The following GABRR2 variants were observed in gnomAD, a reference collection of about 807,000 sequenced individuals.
The protein encoded by GABRR2 is gamma-aminobutyric acid type A receptor subunit rho2.
A neutral mutation model predicts 47.0 loss-of-function variants in GABRR2; 36 were observed. The ratio of observed to expected loss-of-function variants is 0.77; its 90% confidence interval spans 0.59 to 1.01. The LOEUF (loss-of-function observed/expected upper bound fraction) is 1.01, where lower values mean the gene tolerates loss of function less well. Ranked by LOEUF, GABRR2 falls within the 50% of genes least tolerant of loss-of-function variation. The pLI is 0.00. For synonymous variants in GABRR2, 204 were observed against 227.5 expected (o/e 0.90, Z 0.93); for missense variants, 587 against 594.6 (o/e 0.99, Z 0.13).
Position 89,315,157 on chromosome 6 carries a change from A to G in GABRR2, c.9T>C (p.Tyr3=). ...ACAAGAACAAAATGAGTCTTGTAAA[A>G]TAAGGCATTTTGTGGACATCTGTGA... MP[Y]FTRLILFLFC... Residue 3 remains tyrosine (Y), a synonymous_variant, in exon 1 of 9, where the codon TAT becomes TAC. Transcript: ENST00000402938. 6.2e-7 allele frequency: 1 copy of G among 1,613,924 alleles called. No individual in the cohort carries two copies. Among genetic ancestry groups the G allele is most frequent in the South Asian group, 1.1e-5 (1 of 91,080 alleles).
intron 2 of GABRR2, among the ~76,000 whole-genome samples, chr6:89,283,233 A>T (rs1422961601): frequency 6.6e-6 from 1 of 151,342 alleles, no homozygotes; most frequent in South Asian, 2.1e-4. Flanking sequence ...TTTGCCAAGG[A>T]TTCTTGTCAT....
At chr6:89,280,642 G>A (rs1157687309) in intron 2 of GABRR2, among the ~76,000 whole-genome samples, 2 of 152,200 alleles carry the variant, frequency 1.3e-5, no homozygotes, top group African/African-American at 2.4e-5. Flanking sequence ...GGTGAATGCG[G>A]TTTTGCTCAG....
At chr6:89,261,294 G>C (rs1253533698) in intron 8 of GABRR2, among the ~76,000 whole-genome samples, 1 of 152,172 alleles carries the variant, frequency 6.6e-6, no homozygotes, top group East Asian at 1.9e-4. Flanking sequence ...GTTTAAACAA[G>C]TCAATTTTCT....
intron 2 of GABRR2, among the ~76,000 whole-genome samples, chr6:89,289,274 G>C (rs1472205022): frequency 6.6e-6 from 1 of 152,170 alleles, no homozygotes; most frequent in East Asian, 1.9e-4. Context: ...GCTGCAGAGA[G>C]GTATCGAGAT....
intron 2 of GABRR2, among the ~76,000 whole-genome samples, chr6:89,276,889 C>T (rs1009839719): frequency 1.1e-4 from 16 of 151,858 alleles, no homozygotes; most frequent in Admixed American, 3.9e-4. Flanking sequence ...TCAAAAGTAC[C>T]TAGAAATAAG....
rs192069060 is a variant in GABRR2 at position 89,281,255 on chromosome 6, C to T, written c.221-9533G>A. Among the ~76,000 whole-genome samples the T allele has an allele frequency of 4.9e-4, 74 of 152,320 alleles. 1 individual carries two copies. Among genetic ancestry groups the T allele is most frequent in the Admixed American group, 2.0e-3 (31 of 15,306 alleles). On this transcript the variant is annotated intron_variant, in intron 2 of 8. Coordinates refer to ENST00000402938, the MANE Select transcript of GABRR2 (RefSeq NM_002043.5). Reference sequence around the variant, plus strand: ...GGAGCTTAAAATCCGTGGAGAGGAGCAACTGACTCTGTTTCAGGACACATC... The same window carrying T: ...GGAGCTTAAAATCCGTGGAGAGGAGTAACTGACTCTGTTTCAGGACACATC...
In GABRR2 at chr6:89,255,139, T is replaced by C. The variant is rs963020152; in HGVS notation, c.*2531A>G. 1.3e-5 allele frequency among the ~76,000 whole-genome samples: 2 copies of C among 152,164 alleles called. No individual in the cohort carries two copies. Among genetic ancestry groups the C allele is most frequent in the African/African-American group, 4.8e-5 (2 of 41,438 alleles). On this transcript the variant is annotated 3_prime_UTR_variant, in exon 9 of 9. Transcript: ENST00000402938. ...GCACTGTGGCCTGGGAGAGTCTCTA[T>C]AGATAAAAGGTTTCTGGCCGGGTGT... is the stretch of plus-strand genomic sequence containing the variant.
At chr6:89,272,158 C>G (rs1774066378) in intron 2 of GABRR2, among the ~76,000 whole-genome samples, 1 of 152,196 alleles carries the variant, frequency 6.6e-6, no homozygotes, top group Non-Finnish European at 1.5e-5. Flanking sequence ...GGTCTGAATT[C>G]ATTCAGTCAT....
At chr6:89,276,904 T>C (rs1199780712) in intron 2 of GABRR2, among the ~76,000 whole-genome samples, 3 of 152,168 alleles carry the variant, frequency 2.0e-5, no homozygotes, top group South Asian at 4.1e-4. Flanking sequence ...AATAAGTACA[T>C]AGAAATAGGT....
intron 2 of GABRR2, among the ~76,000 whole-genome samples, chr6:89,282,164 T>C (rs908896820): frequency 1.3e-5 from 2 of 152,118 alleles, no homozygotes; most frequent in African/African-American, 2.4e-5. Flanking sequence ...CCTCCCATGC[T>C]AGGCCCAGCC....
chr6:89,269,943 G>C (rs1774010349), intron 3 of GABRR2, among the ~76,000 whole-genome samples: 1 of 152,224 alleles, frequency 6.6e-6, no homozygotes, highest in South Asian at 2.1e-4. Flanking sequence ...TGACACAGGT[G>C]CAAATGGAAA....
intron 6 of GABRR2, among the ~76,000 whole-genome samples, chr6:89,267,299 C>T (rs1773920669): frequency 6.6e-6 from 1 of 152,178 alleles, no homozygotes; most frequent in Admixed American, 6.5e-5. Flanking sequence ...AGCATGATGG[C>T]TCACGCCTGT....
At chr6:89,277,752 A>G (rs912778201) in intron 2 of GABRR2, among the ~76,000 whole-genome samples, 3 of 151,894 alleles carry the variant, frequency 2.0e-5, no homozygotes, top group Non-Finnish European at 4.4e-5. Context: ...AACCACAATA[A>G]GATATTCTTA....
intron 2 of GABRR2, among the ~76,000 whole-genome samples, chr6:89,278,712 T>C (rs1774207667): frequency 6.6e-6 from 1 of 152,238 alleles, no homozygotes; most frequent in Non-Finnish European, 1.5e-5. Context: ...AGCAACTGTC[T>C]TTCTGCTTTG....
intron 2 of GABRR2, among the ~76,000 whole-genome samples, chr6:89,286,621 C>T (rs907993563): frequency 6.6e-6 from 1 of 151,860 alleles, no homozygotes. Flanking sequence ...CAGCCCTGCC[C>T]CACTGCCCAG....
intron 2 of GABRR2, among the ~76,000 whole-genome samples, chr6:89,296,506 C>T (rs1474763774): frequency 6.6e-6 from 1 of 152,210 alleles, no homozygotes; most frequent in African/African-American, 2.4e-5. Flanking sequence ...GGAGGAGTGG[C>T]CCCCACCTAT....
intron 2 of GABRR2, among the ~76,000 whole-genome samples, chr6:89,292,691 A>ATATCGTATATCTGATATATATCAGATG (rs1774471594): frequency 7.5e-6 from 1 of 132,498 alleles, no homozygotes; most frequent in Non-Finnish European, 1.7e-5. Flanking sequence ...TATATCAGAT[A>ATATCGTATATCTGATATATATCAGATG]TATATCGTAT....
intron 8 of GABRR2, among the ~76,000 whole-genome samples, chr6:89,259,095 C>T (rs760133107): frequency 1.1e-4 from 17 of 151,930 alleles, no homozygotes; most frequent in Non-Finnish European, 2.2e-4. Context: ...TTGACTTCTC[C>T]CCATAGTTTA....
At chr6:89,279,507 T>C (rs1361280158) in intron 2 of GABRR2, among the ~76,000 whole-genome samples, 4 of 151,822 alleles carry the variant, frequency 2.6e-5, no homozygotes, top group Admixed American at 1.3e-4. Context: ...CAAAAAACTT[T>C]TTTTTGGTTT....
Sources: allele counts gnomAD v4.1 joint callset (sites outside exome capture counted in the v4.1 genomes callset), GRCh38; gene constraint gnomAD v4.1.1; transcripts MANE v1.5; gene names NCBI Gene and HGNC (gene_info 2026-07-23, HGNC 2026-07-21).